Variants in PLCB1 observed in about 807,000 individuals in gnomAD.
PLCB1 encodes the protein 1-phosphatidylinositol 4,5-bisphosphate phosphodiesterase beta-1.
In PLCB1, 46 loss-of-function variants were observed where a neutral mutation model predicts 161.8. The ratio of observed to expected loss-of-function variants is 0.28; its 90% CI spans 0.22 to 0.36. The LOEUF (loss-of-function observed/expected upper bound fraction) is 0.36. Among genes scored for constraint, PLCB1 ranks in the 10% least tolerant of loss-of-function variants. The pLI, the probability that PLCB1 is intolerant of heterozygous loss-of-function variation, is 1.00. For synonymous variants in PLCB1, 517 were observed against 503.7 expected (o/e 1.03, Z -0.35); for missense variants, 1,016 against 1,472.5 (o/e 0.69, Z 5.07).
chr20:8,304,616 C>A (rs2662994), intron 2 of PLCB1, among the ~76,000 whole-genome samples: 48,179 of 151,300 alleles, frequency 0.32, 9,743 homozygotes, highest in African/African-American at 0.57. Flanking sequence ...TGAGCTTTTC[C>A]TATCTTCTTT....
At position 8,757,117 on chromosome 20, in the gene PLCB1, T is replaced by C; in HGVS notation, c.2595T>C (p.Asn865=). The C allele has an allele frequency of 6.2e-7, 1 of 1,613,446 alleles. No individual in the cohort carries two copies. The highest frequency in any genetic ancestry group is 8.5e-7 in the Non-Finnish European group (1 of 1,179,570). Residue 865 remains asparagine (N), a synonymous_variant, in exon 24 of 32, where the codon AAT becomes AAC. Transcript: ENST00000338037. The part of the protein sequence containing the change: ...ARTTPAENGV[N]HTTTLTPKPP... ...CGACTCCAGCAGAAAATGGGGTGAA[T>C]CACACTACAACCCTGACACCCAAGC...
chr20:8,843,388 G>A (rs1986577530), intron 31 of PLCB1, among the ~76,000 whole-genome samples: 1 of 152,100 alleles, frequency 6.6e-6, no homozygotes, highest in African/African-American at 2.4e-5. Context: ...TTATTTTTGT[G>A]AAAATTAAAG....
At chr20:8,814,716 A>T (rs1012495573) in intron 31 of PLCB1, among the ~76,000 whole-genome samples, 1 of 152,180 alleles carries the variant, frequency 6.6e-6, no homozygotes, top group Non-Finnish European at 1.5e-5. Flanking sequence ...ATTATGAAAC[A>T]ATAACAGGTA....
chr20:8,470,239 A>G (rs991031966), intron 3 of PLCB1, among the ~76,000 whole-genome samples: 37 of 152,172 alleles, frequency 2.4e-4, no homozygotes, highest in Admixed American at 2.6e-4. Context: ...TTTATGTACA[A>G]GCTTTTGTGA....
intron 2 of PLCB1, among the ~76,000 whole-genome samples, chr20:8,266,777 G>A (rs1434535758): frequency 2.0e-5 from 3 of 151,876 alleles, no homozygotes; most frequent in Non-Finnish European, 2.9e-5. Flanking sequence ...AGTGGCTCAC[G>A]CCTGTAATCC....
In PLCB1 at chr20:8,352,785, C is replaced by T. The variant is rs925659208; in HGVS notation, c.178-18597C>T. Among the ~76,000 whole-genome samples the T allele has an allele frequency of 5.3e-5, 8 of 151,944 alleles. No individual in the cohort carries two copies. The South Asian group carries it at 6.2e-4, about 12-fold the overall frequency. On this transcript the variant is annotated intron_variant, in intron 2 of 31. Transcript: ENST00000338037. ...ATTGAATAATTAGTTGGATGGCTGA[C>T]GGTGGAAGCAAGGTTTCTCACTGTT...
At chr20:8,695,334 G>A (rs761176773) in intron 10 of PLCB1, among the ~76,000 whole-genome samples, 4 of 152,138 alleles carry the variant, frequency 2.6e-5, no homozygotes, top group Non-Finnish European at 4.4e-5. Flanking sequence ...TGTCTCCACG[G>A]GGCACATCTT....
chr20:8,846,647 C>T (rs1986700711), intron 31 of PLCB1, among the ~76,000 whole-genome samples: 1 of 152,120 alleles, frequency 6.6e-6, no homozygotes, highest in Admixed American at 6.5e-5. Flanking sequence ...AGCTTAAACA[C>T]CAAATCATGA....
At chr20:8,775,026 C>T (rs553280847) in intron 27 of PLCB1, among the ~76,000 whole-genome samples, 1 of 148,066 alleles carries the variant, frequency 6.8e-6, no homozygotes, top group Admixed American at 6.7e-5. Context: ...ATAGAAAACA[C>T]TTATCTTTGT....
intron 3 of PLCB1, among the ~76,000 whole-genome samples, chr20:8,563,978 A>G (rs1279118637): frequency 1.3e-5 from 2 of 152,224 alleles, no homozygotes; most frequent in Non-Finnish European, 2.9e-5. Context: ...CTTTCTTCAC[A>G]GAATTAGAAA....
In PLCB1 at chr20:8,696,878, C is replaced by T. The variant is rs555546371; in HGVS notation, c.1010-748C>T. ...CCTCCTGAGTAGCTGGGACTACAGG[C>T]GCCTGCCACCACACCCGGCTAATTT... On this transcript the variant is annotated intron_variant, in intron 10 of 31. Coordinates refer to ENST00000338037, the MANE Select transcript of PLCB1 (RefSeq NM_015192.4). Among the ~76,000 whole-genome samples, 540 of 152,154 alleles carry T rather than the reference C, an allele frequency of 3.5e-3. 4 individuals carry two copies. The highest frequency in any genetic ancestry group is 0.012 in the African/African-American group (492 of 41,490).
At chr20:8,864,634 T>C (rs576907636) in intron 31 of PLCB1, among the ~76,000 whole-genome samples, 1 of 152,326 alleles carries the variant, frequency 6.6e-6, no homozygotes, top group South Asian at 2.1e-4. Flanking sequence ...ATCAGTGGTA[T>C]TGGCCATTCA....
rs572255529 is a variant in PLCB1 at position 8,307,731 on chromosome 20, GT to G, written c.178-63650del. ...AGGTCAGGTGTTCGAGACCAGCCTG[GT>G]CCAACATGGTAAAACCCTGTCTCTA... is the stretch of plus-strand genomic sequence containing the variant. On this transcript the variant is annotated intron_variant, in intron 2 of 31. Coordinates refer to ENST00000338037, the MANE Select transcript of PLCB1 (RefSeq NM_015192.4). 6.7e-3 allele frequency among the ~76,000 whole-genome samples: 1,013 copies of G among 150,260 alleles called. 6 individuals are homozygous for G. Among genetic ancestry groups the G allele is most frequent in the Non-Finnish European group, 0.012 (804 of 66,652 alleles).
chr20:8,519,795 A>G (rs1012250175), intron 3 of PLCB1, among the ~76,000 whole-genome samples: 1 of 152,200 alleles, frequency 6.6e-6, no homozygotes, highest in Non-Finnish European at 1.5e-5. Flanking sequence ...CATTTTGCTT[A>G]ATCATTTTAA....
intron 2 of PLCB1, among the ~76,000 whole-genome samples, chr20:8,300,063 C>T (rs957551492): frequency 1.3e-5 from 2 of 152,124 alleles, no homozygotes; most frequent in African/African-American, 4.8e-5. Flanking sequence ...TGGCTGAGCT[C>T]ACTCACATGT....
chr20:8,612,329 G>A (rs1182869997), intron 3 of PLCB1, among the ~76,000 whole-genome samples: 1 of 152,254 alleles, frequency 6.6e-6, no homozygotes, highest in East Asian at 1.9e-4. Context: ...TTCAGTAAAT[G>A]TTCAGAGTTT....
At chr20:8,192,236 G>A (rs2051977661) in intron 2 of PLCB1, among the ~76,000 whole-genome samples, 1 of 151,986 alleles carries the variant, frequency 6.6e-6, no homozygotes, top group South Asian at 2.1e-4. Flanking sequence ...CTTGCCATTA[G>A]AATAATCTGT....
intron 2 of PLCB1, among the ~76,000 whole-genome samples, chr20:8,268,154 C>G (rs570168432): frequency 2.0e-5 from 3 of 151,984 alleles, no homozygotes; most frequent in African/African-American, 7.2e-5. Flanking sequence ...GTGTGATGTT[C>G]CCCACCCTGT....
chr20:8,830,701 A>G (rs1429990155), intron 31 of PLCB1, among the ~76,000 whole-genome samples: 1 of 152,062 alleles, frequency 6.6e-6, no homozygotes, highest in African/African-American at 2.4e-5. Flanking sequence ...TAAGCATCTC[A>G]TTAGAACCTA....
Sources: allele counts gnomAD v4.1 joint callset (sites outside exome capture counted in the v4.1 genomes callset), GRCh38; gene constraint gnomAD v4.1.1; transcripts MANE v1.5; gene names NCBI Gene and HGNC (gene_info 2026-07-23, HGNC 2026-07-21).